Variants in WWOX observed in about 807,000 individuals in gnomAD.
WWOX encodes WW domain-containing oxidoreductase.
In WWOX, 69 loss-of-function variants were observed where a neutral mutation model predicts 46.2. The observed-to-expected ratio is 1.49, with a 90% CI of 1.23 to 1.82. The LOEUF is 1.82. WWOX is among the 40% of genes most tolerant of loss of function. The pLI is 0.00. For synonymous variants in WWOX, 359 were observed against 202.6 expected (o/e 1.77, Z -6.56); for missense variants, 919 against 542.6 (o/e 1.69, Z -6.89).
At chr16:78,870,042 C>A (rs962024838) in intron 8 of WWOX, among the ~76,000 whole-genome samples, 2 of 152,212 alleles carry the variant, frequency 1.3e-5, no homozygotes, top group African/African-American at 4.8e-5. Flanking sequence ...GGGACTTCTT[C>A]CATCAACTAC....
intron 8 of WWOX, among the ~76,000 whole-genome samples, chr16:78,534,020 G>A (rs1020242604): frequency 5.3e-5 from 8 of 152,036 alleles, no homozygotes; most frequent in Admixed American, 5.2e-4. Flanking sequence ...ATGAGTGATG[G>A]GTAAGAGAGT....
intron 8 of WWOX, among the ~76,000 whole-genome samples, chr16:78,450,809 G>A (rs976191288): frequency 2.0e-5 from 3 of 152,114 alleles, no homozygotes; most frequent in African/African-American, 7.2e-5. Context: ...TTAACCCAGA[G>A]CAGATTTCCT....
At chr16:78,933,426 G>C (rs2045666954) in intron 8 of WWOX, among the ~76,000 whole-genome samples, 1 of 152,120 alleles carries the variant, frequency 6.6e-6, no homozygotes, top group Admixed American at 6.5e-5. Flanking sequence ...GCAACAGAGG[G>C]AGACTCCGTC....
At chr16:79,172,961 C>T (rs942073262) in intron 8 of WWOX, among the ~76,000 whole-genome samples, 1 of 152,154 alleles carries the variant, frequency 6.6e-6, no homozygotes, top group Non-Finnish European at 1.5e-5. Flanking sequence ...GTCAAGGCTG[C>T]AGTGAACCAT....
Position 78,825,837 on chromosome 16 carries a change from T to C in WWOX, c.1057-385771T>C, listed in dbSNP as rs1015036831. ...GGTTTTCTGGGCATCAAGGTGAAGG[T>C]CATGCTGCCCTGGGACCCCGCTGGT... On this transcript the variant is annotated intron_variant, in intron 8 of 8. Transcript: ENST00000566780. The C allele has an allele frequency of 1.3e-5, 8 of 612,520 alleles. No homozygotes were observed. The African/African-American group carries it at 1.5e-4, about 11-fold the overall frequency. The allele number at this position is 612,520 out of a possible 1,614,324, so 37.9% of individuals were successfully genotyped here.
At chr16:78,630,616 T>C (rs2046405943) in intron 8 of WWOX, among the ~76,000 whole-genome samples, 1 of 152,218 alleles carries the variant, frequency 6.6e-6, no homozygotes, top group Admixed American at 6.5e-5. Context: ...TTTGGAATCT[T>C]GTACCTGGTT....
chr16:78,384,154 T>C (rs1278189036), intron 5 of WWOX, among the ~76,000 whole-genome samples: 1 of 152,204 alleles, frequency 6.6e-6, no homozygotes, highest in Non-Finnish European at 1.5e-5. Flanking sequence ...TGCATATCCC[T>C]TGGGGTTTCC....
rs573882343 is a variant in WWOX, at chr16:78,325,686, C to T, written c.517-61174C>T. On this transcript the variant is annotated intron_variant, in intron 5 of 8. Coordinates refer to ENST00000566780, the MANE Select transcript of WWOX (RefSeq NM_016373.4). ...ATTTATTTCTCCTTCTTGGAGATTGCTGCAAGGGGCTTTTGTCACCCTGTG... is the reference window on the plus strand; with the variant it reads ...ATTTATTTCTCCTTCTTGGAGATTGTTGCAAGGGGCTTTTGTCACCCTGTG... Among the ~76,000 whole-genome samples the T allele has an allele frequency of 1.1e-4, 16 of 152,346 alleles. No homozygotes were observed. In the East Asian group the frequency reaches 2.5e-3, roughly 24 times the overall value.
chr16:78,490,818 A>G (rs2084765899), intron 8 of WWOX, among the ~76,000 whole-genome samples: 1 of 152,178 alleles, frequency 6.6e-6, no homozygotes, highest in Non-Finnish European at 1.5e-5. Flanking sequence ...GCAGTCCGTT[A>G]CTTAGACTAG....
At chr16:78,229,432 G>T (rs1361325942) in intron 5 of WWOX, among the ~76,000 whole-genome samples, 1 of 148,638 alleles carries the variant, frequency 6.7e-6, no homozygotes, top group Non-Finnish European at 1.5e-5. Context: ...ACTTATATCT[G>T]GTCCTTTAGA....
chr16:78,853,074 G>T (rs2052487383), intron 8 of WWOX, among the ~76,000 whole-genome samples: 1 of 152,150 alleles, frequency 6.6e-6, no homozygotes, highest in South Asian at 2.1e-4. Flanking sequence ...TACCTGATGG[G>T]GTTAGTGTGG....
chr16:78,336,645 C>A (rs912035345), intron 5 of WWOX, among the ~76,000 whole-genome samples: 1 of 152,010 alleles, frequency 6.6e-6, no homozygotes, highest in South Asian at 2.1e-4. Flanking sequence ...GTAAGGACTT[C>A]TTAGTTCCAG....
At chr16:78,886,085 A>T (rs1450920939) in intron 8 of WWOX, among the ~76,000 whole-genome samples, 1 of 151,628 alleles carries the variant, frequency 6.6e-6, no homozygotes, top group Non-Finnish European at 1.5e-5. Flanking sequence ...CCACCACACC[A>T]GGCTAATTTT....
At chr16:78,449,388 A>C (rs1167447919) in intron 8 of WWOX, among the ~76,000 whole-genome samples, 1 of 152,200 alleles carries the variant, frequency 6.6e-6, no homozygotes, top group Non-Finnish European at 1.5e-5. Context: ...AAAGGATTTC[A>C]CAGTGGTATG....
intron 8 of WWOX, among the ~76,000 whole-genome samples, chr16:78,757,428 C>G (rs528857479): frequency 3.4e-3 from 525 of 152,230 alleles, no homozygotes; most frequent in African/African-American, 0.012. Context: ...TTCTGTACCT[C>G]TTGCCTCATC....
intron 8 of WWOX, among the ~76,000 whole-genome samples, chr16:78,606,392 C>A (rs778311462): frequency 6.6e-6 from 1 of 151,862 alleles, no homozygotes; most frequent in Non-Finnish European, 1.5e-5. Flanking sequence ...TGGATTTATT[C>A]TTTTGGAAAA....
intron 8 of WWOX, among the ~76,000 whole-genome samples, chr16:78,571,390 T>G (rs2044712587): frequency 6.6e-6 from 1 of 152,182 alleles, no homozygotes; most frequent in Non-Finnish European, 1.5e-5. Context: ...TAGTGTGCAT[T>G]ACAGCTTAAC....
intron 6 of WWOX, among the ~76,000 whole-genome samples, chr16:78,396,307 A>G (rs1435740265): frequency 1.3e-5 from 2 of 152,196 alleles, no homozygotes; most frequent in Admixed American, 1.3e-4. Flanking sequence ...TTTGTCGGAA[A>G]AAAAAAAGTT....
intron 8 of WWOX, among the ~76,000 whole-genome samples, chr16:78,621,960 G>T (rs1279512585): frequency 1.3e-5 from 2 of 151,868 alleles, no homozygotes; most frequent in Non-Finnish European, 2.9e-5. Flanking sequence ...AAATTGTACT[G>T]GTTTTTCTTG....
Sources: allele counts gnomAD v4.1 joint callset (sites outside exome capture counted in the v4.1 genomes callset), GRCh38; gene constraint gnomAD v4.1.1; transcripts MANE v1.5; gene names NCBI Gene and HGNC (gene_info 2026-07-23, HGNC 2026-07-21).